PLD3: variants seen among roughly 807,000 people sequenced by gnomAD.
PLD3 encodes the protein 5'-3' exonuclease PLD3.
A neutral mutation model predicts 58.4 loss-of-function variants in PLD3; 31 were observed. The ratio of observed to expected loss-of-function variants is 0.53; its 90% CI spans 0.40 to 0.72. PLD3 has a LOEUF of 0.72. Among genes scored for constraint, PLD3 ranks in the 30% least tolerant of loss-of-function variants. The probability of loss-of-function intolerance (pLI) is 0.00; values close to 1 mark genes in which losing one functional copy is unlikely to be tolerated. For synonymous variants in PLD3, 264 were observed against 273.4 expected (o/e 0.97, Z 0.34); for missense variants, 595 against 659.8 (o/e 0.90, Z 1.08).
chr19:40,373,186 G>A (rs2079107988), intron 9 of PLD3, among the ~76,000 whole-genome samples: 2 of 152,174 alleles, frequency 1.3e-5, no homozygotes, highest in Non-Finnish European at 2.9e-5. Context: ...TGACTCATTG[G>A]GGTCTTTCAC....
intron 1 of PLD3, among the ~76,000 whole-genome samples, chr19:40,353,454 A>G (rs1035099749): frequency 6.6e-6 from 1 of 152,106 alleles, no homozygotes; most frequent in African/African-American, 2.4e-5. Context: ...TTTCCAACTG[A>G]CAAACCAATG....
chr19:40,365,825 A>C lies in PLD3; in HGVS notation c.-171A>C, dbSNP rs2078905701. ...CCGCTGCAGTGGGCGGAGCTCCCAC[A>C]GGCCCCGCCCCCTCCTCCCACCCTC... On this transcript the variant is annotated 5_prime_UTR_variant, in exon 2 of 13. Transcript: ENST00000409735. 1 of 153,734 alleles carries C rather than the reference A, an allele frequency of 6.5e-6. No homozygotes were observed. Among genetic ancestry groups the C allele is most frequent in the East Asian group, 1.9e-4 (1 of 5,210 alleles). The allele number at this position is 153,734 out of a possible 1,614,324, so 9.5% of individuals were successfully genotyped here.
Position 40,369,870 on chromosome 19 carries a change from G to T in PLD3, c.430-38G>T, listed in dbSNP as rs907257403. On this transcript the variant is annotated intron_variant, in intron 6 of 12. Transcript: ENST00000409735. Reference sequence around the variant, plus strand: ...ATTACCTTGTGGGGTTGGAGAGCTGGCTGGTCCAGCCCCTCAGAAGCTCTC... The same window carrying T: ...ATTACCTTGTGGGGTTGGAGAGCTGTCTGGTCCAGCCCCTCAGAAGCTCTC... 17 of 1,517,776 alleles carry T rather than the reference G, an allele frequency of 1.1e-5. No individual in the cohort carries two copies. In the Admixed American group the frequency reaches 1.6e-4, roughly 14 times the overall value. The allele number at this position is 1,517,776 out of a possible 1,614,324, so 94.0% of individuals were successfully genotyped here.
At position 40,366,619 on chromosome 19, in the gene PLD3, C is replaced by T. The variant is rs2078928889; in HGVS notation, c.37C>T (p.Pro13Ser). 5 of 1,575,082 alleles carry T rather than the reference C, an allele frequency of 3.2e-6. No homozygotes were observed. The highest frequency in any genetic ancestry group is 2.3e-5 in the South Asian group (2 of 85,222). ...PKLMYQELKV[P>S]AEEPANELPM... ...TTGTCCCCATCCCCAGCTGAAGGTG[C>T]CTGCAGAGGAGCCCGCCAATGAGCT... Residue 13 changes from proline to serine, a missense_variant, in exon 4 of 13, where the codon CCT (proline) becomes TCT (serine). Transcript: ENST00000409735.
In PLD3 at chr19:40,370,249, C is replaced by T. The variant is rs900664947; in HGVS notation, c.678+12C>T. ...GTTCACTGACCCAGGTCTGTCTGCA[C>T]CCTGTCTACCTTCCTTCCAGGCCAC... On this transcript the variant is annotated intron_variant, in intron 8 of 12. Transcript: ENST00000409735. 3 of 1,607,798 alleles carry T rather than the reference C, an allele frequency of 1.9e-6. No individual in the cohort carries two copies. The highest frequency in any genetic ancestry group is 2.2e-5 in the South Asian group (2 of 90,212).
chr19:40,371,113 G>A (rs1456246215), intron 8 of PLD3, among the ~76,000 whole-genome samples: 1 of 152,162 alleles, frequency 6.6e-6, no homozygotes, highest in East Asian at 1.9e-4. Flanking sequence ...AGCGCAAGAT[G>A]GAACAGGAAA....
chr19:40,351,092 G>A (rs1039305577), intron 1 of PLD3, among the ~76,000 whole-genome samples: 2 of 151,934 alleles, frequency 1.3e-5, no homozygotes, highest in Admixed American at 6.6e-5. Context: ...AGCCAGGTAT[G>A]GTGGTGTGCG....
chr19:40,367,078 A>G, intron 5 of PLD3, 163 bp downstream of exon 5: 1 of 672,510 alleles, frequency 1.5e-6, no homozygotes, highest in African/African-American at 1.8e-5. Flanking sequence ...CTCCACACAC[A>G]TAGTTTCTAT....
intron 1 of PLD3, among the ~76,000 whole-genome samples, chr19:40,349,687 G>A (rs1206425265): frequency 1.3e-5 from 2 of 152,144 alleles, no homozygotes; most frequent in Non-Finnish European, 2.9e-5. Context: ...GGCCGGGTGC[G>A]GTGGCTCATG....
At chr19:40,362,852 A>G (rs2078821014) in intron 1 of PLD3, among the ~76,000 whole-genome samples, 1 of 152,236 alleles carries the variant, frequency 6.6e-6, no homozygotes, top group Admixed American at 6.5e-5. Context: ...TCACTGTACA[A>G]TTTGGAAGCC....
At chr19:40,351,127 G>T (rs935791211) in intron 1 of PLD3, among the ~76,000 whole-genome samples, 3 of 151,890 alleles carry the variant, frequency 2.0e-5, no homozygotes, top group African/African-American at 7.3e-5. Context: ...TACTTGGGAG[G>T]CTGAGAGGTG....
rs1600240222 is a variant in PLD3, at chr19:40,349,280, A to G, written c.-279+512A>G. Among the ~76,000 whole-genome samples the G allele has an allele frequency of 2.6e-5, 4 of 152,032 alleles. No homozygotes were observed. In the South Asian group the frequency reaches 8.3e-4, roughly 32 times the overall value. ...CTAATGCAACTCTTACGTCATCATT[A>G]CCCCTTGTGTCTTTGTCCCTCCCTT... On this transcript the variant is annotated intron_variant, in intron 1 of 12. Transcript: ENST00000409735.
At chr19:40,369,879 G>T in intron 6 of PLD3, 29 bp from the exon 7 acceptor site, 1 of 1,531,668 alleles carries the variant, frequency 6.5e-7, no homozygotes, top group Non-Finnish European at 8.8e-7. Context: ...GGCTGGTCCA[G>T]CCCCTCAGAA....
At chr19:40,374,983 C>T (rs1352278145) in intron 10 of PLD3, among the ~76,000 whole-genome samples, 12 of 150,922 alleles carry the variant, frequency 8.0e-5, no homozygotes, top group Non-Finnish European at 1.8e-4. Context: ...TGGTGAAATC[C>T]CATCTCTCCT....
intron 10 of PLD3, among the ~76,000 whole-genome samples, chr19:40,375,452 C>T (rs959502295): frequency 2.0e-5 from 3 of 150,350 alleles, no homozygotes; most frequent in Non-Finnish European, 3.0e-5. Flanking sequence ...AGATCGAGAC[C>T]ATCCTGGCCA....
chr19:40,354,181 C>T (rs939582890), intron 1 of PLD3, among the ~76,000 whole-genome samples: 3 of 150,700 alleles, frequency 2.0e-5, no homozygotes, highest in African/African-American at 7.3e-5. Context: ...TCAAGCGATT[C>T]CCCTGCCTCA....
At chr19:40,352,416 C>G (rs1232321284) in intron 1 of PLD3, among the ~76,000 whole-genome samples, 1 of 152,122 alleles carries the variant, frequency 6.6e-6, no homozygotes, top group South Asian at 2.1e-4. Context: ...AGATGATGAA[C>G]AACAGGAGAG....
intron 10 of PLD3, 71 bp downstream of exon 10, chr19:40,374,691 A>G (rs2079150561): frequency 6.4e-7 from 1 of 1,563,936 alleles, no homozygotes. Context: ...CATGGAGACC[A>G]GAAAGCTGGT....
At chr19:40,367,486 C>G (rs890449345) in intron 5 of PLD3, 1 of 495,330 alleles carries the variant, frequency 2.0e-6, no homozygotes, top group Admixed American at 3.3e-5. Context: ...GAGGTTGAGG[C>G]GGGAGGATCG....
Sources: allele counts gnomAD v4.1 joint callset (sites outside exome capture counted in the v4.1 genomes callset), GRCh38; gene constraint gnomAD v4.1.1; transcripts MANE v1.5; gene names NCBI Gene and HGNC (gene_info 2026-07-23, HGNC 2026-07-21).